The following CYFIP1 variants were observed in gnomAD, a reference collection of about 807,000 sequenced individuals.
The protein encoded by CYFIP1 is cytoplasmic FMR1 interacting protein 1, also known as cytoplasmic FMR1-interacting protein 1.
Under a neutral mutation model 163.5 loss-of-function variants are expected in CYFIP1, and 58 were observed. The observed-to-expected ratio is 0.35, with a 90% confidence interval of 0.29 to 0.44. The LOEUF (loss-of-function observed/expected upper bound fraction) is 0.44, where lower values mean the gene tolerates loss of function less well. CYFIP1 is among the 20% of genes least tolerant of loss of function. The pLI is 1.00. For synonymous variants in CYFIP1, 663 were observed against 660.7 expected, an observed-to-expected ratio of 1.00 and a Z score of -0.05; for missense variants, 1,338 against 1,653.8, an observed-to-expected ratio of 0.81 and a Z score of 3.31.
In CYFIP1 at chr15:22,917,827, T is replaced by C. The variant is rs547715186; in HGVS notation, c.1635A>G (p.Ile545Met). The change falls in exon 15 of 31, where the codon ATA becomes ATG. Residue 545 changes from isoleucine (I) to methionine (M), a missense_variant. By Grantham distance (10) the Ile-to-Met change is conservative. Coordinates refer to ENST00000617928, the MANE Select transcript of CYFIP1 (RefSeq NM_014608.6). The surrounding 1 kb of genome is among the most constrained non-coding windows in gnomAD (Gnocchi z 4.2). ...GTCCCACGGCGCGGCGTGGTACTTT[T>C]ATGTCGAAGCCGCTCTTGGGGTCCT... The part of the protein sequence containing the change: ...GEKDPKSGFD[I>M]KVPRRAVGPS... 8 of 1,613,744 alleles carry C rather than the reference T, an allele frequency of 5.0e-6. No individual in the cohort carries two copies. The highest frequency in any genetic ancestry group is 2.2e-5 in the East Asian group (1 of 44,844).
chr15:22,923,010 A>G (rs879682663), intron 13 of CYFIP1, among the ~76,000 whole-genome samples: 1 of 149,524 alleles, frequency 6.7e-6, no homozygotes, highest in South Asian at 2.2e-4. Context: ...AAAAAAAAAA[A>G]GACTTTTAGA....
intron 22 of CYFIP1, among the ~76,000 whole-genome samples, chr15:22,894,518 G>A (rs897933573): frequency 3.3e-5 from 5 of 151,388 alleles, no homozygotes; most frequent in Admixed American, 1.3e-4. Flanking sequence ...TTGAACTCCT[G>A]ACTTCAAGTG....
At chr15:22,916,969 T>A in intron 15 of CYFIP1, 1 of 1,551,614 alleles carries the variant, frequency 6.4e-7, no homozygotes, top group Non-Finnish European at 8.7e-7. Context: ...CCCAGAGACT[T>A]GAGCTGCCTG....
At chr15:22,903,683 G>A (rs760110130) in intron 22 of CYFIP1, 23 bp downstream of exon 22, 7 of 1,612,834 alleles carry the variant, frequency 4.3e-6, no homozygotes, top group Admixed American at 1.7e-5. Flanking sequence ...GCCTGTGGGC[G>A]CCTGTGTGGC....
chr15:22,968,451 A>G (rs1410028769), intron 1 of CYFIP1, among the ~76,000 whole-genome samples: 2 of 152,274 alleles, frequency 1.3e-5, no homozygotes, highest in South Asian at 2.1e-4. Context: ...CTTCAACATC[A>G]GCTTTTCCCC....
chr15:22,931,283 G>A (rs2061528348), intron 11 of CYFIP1, among the ~76,000 whole-genome samples: 1 of 152,204 alleles, frequency 6.6e-6, no homozygotes, highest in South Asian at 2.1e-4. Flanking sequence ...AGACATGCCA[G>A]CAGTGCTGGC....
At chr15:22,886,764 G>A (rs937960732) in intron 23 of CYFIP1, among the ~76,000 whole-genome samples, 1 of 152,112 alleles carries the variant, frequency 6.6e-6, no homozygotes, top group African/African-American at 2.4e-5. Context: ...TGCTGTTGTG[G>A]GGTAGAGGAA....
At chr15:22,929,453 G>A (rs1463639547) in intron 11 of CYFIP1, among the ~76,000 whole-genome samples, 1 of 151,870 alleles carries the variant, frequency 6.6e-6, no homozygotes, top group African/African-American at 2.4e-5. Flanking sequence ...CCAACATGGT[G>A]AAACCCCGTC....
At chr15:22,928,137 G>A in intron 11 of CYFIP1, 109 bp from the exon 12 acceptor site, 1 of 1,310,340 alleles carries the variant, frequency 7.6e-7, no homozygotes, top group Non-Finnish European at 1.0e-6. Flanking sequence ...GTGAAAATAA[G>A]AAATGCAGGA....
At chr15:22,938,555 T>C (rs2061788895) in intron 8 of CYFIP1, among the ~76,000 whole-genome samples, 1 of 151,854 alleles carries the variant, frequency 6.6e-6, no homozygotes, top group South Asian at 2.1e-4. Flanking sequence ...TAGTGAGCTG[T>C]GTCCGCACCA....
Position 22,928,083 on chromosome 15 carries a change from C to A in CYFIP1, c.1111-55G>T, listed in dbSNP as rs1387207991. 8 of 1,436,742 alleles carry A rather than the reference C, an allele frequency of 5.6e-6. No individual in the cohort carries two copies. In the African/African-American group the frequency reaches 1.0e-4, roughly 19 times the overall value. The allele number at this position is 1,436,742 out of a possible 1,614,324, so 89.0% of individuals were successfully genotyped here. A position where few individuals can be genotyped will look rare whatever the true frequency, so the allele number is the denominator to read the frequency against. On this transcript the variant is annotated intron_variant, in intron 11 of 30. Coordinates refer to ENST00000617928, the MANE Select transcript of CYFIP1 (RefSeq NM_014608.6). Reference sequence around the variant, plus strand: ...AACCAGCGCCCCCACCCAGCTCCCCCCATCCCGGGATCCACCATGAGAATC... The same window carrying A: ...AACCAGCGCCCCCACCCAGCTCCCCACATCCCGGGATCCACCATGAGAATC...
intron 1 of CYFIP1, among the ~76,000 whole-genome samples, chr15:22,979,715 G>A (rs1595753356): frequency 6.6e-6 from 1 of 152,132 alleles, no homozygotes; most frequent in African/African-American, 2.4e-5. Context: ...TGCTGCCTCC[G>A]TAACGATCGC....
chr15:22,908,001 T>C (rs1434698546), intron 21 of CYFIP1, among the ~76,000 whole-genome samples: 1 of 152,236 alleles, frequency 6.6e-6, no homozygotes, highest in Non-Finnish European at 1.5e-5. Flanking sequence ...ACATTTCTTA[T>C]GCTCTTTTCT....
intron 10 of CYFIP1, 42 bp downstream of exon 10, chr15:22,933,760 A>G (rs765934691): frequency 1.4e-6 from 2 of 1,451,210 alleles, no homozygotes; most frequent in Admixed American, 1.8e-5. Flanking sequence ...CAATGAGGAC[A>G]CTGCCGAAAG....
rs1478083745 is a variant in CYFIP1 at position 22,903,858 on chromosome 15, C to T, written c.2436G>A (p.Leu812=). 9 of 1,614,064 alleles carry T rather than the reference C, an allele frequency of 5.6e-6. No homozygotes were observed. The highest frequency in any genetic ancestry group is 5.3e-5 in the African/African-American group (4 of 74,930). ...LEINRMTHKL[L]SRYLTLDGFD... The stretch of plus-strand genomic sequence containing the variant: ...AGCCGTCCAGCGTCAGGTACCGGCT[C>T]AGCAGCTTGTGGGTCATGCGGTTGA... Residue 812 remains leucine, a synonymous_variant, in exon 22 of 31, where the codon CTG becomes CTA. Transcript: ENST00000617928.
At chr15:22,935,509 TG>T (rs1191504148) in intron 9 of CYFIP1, among the ~76,000 whole-genome samples, 3 of 152,172 alleles carry the variant, frequency 2.0e-5, no homozygotes, top group Non-Finnish European at 4.4e-5. Flanking sequence ...GCTGGATGGC[TG>T]CAAAGATTTA....
chr15:22,976,836 A>C (rs1306502050), intron 1 of CYFIP1, among the ~76,000 whole-genome samples: 1 of 152,210 alleles, frequency 6.6e-6, no homozygotes, highest in Non-Finnish European at 1.5e-5. Context: ...AAACAGAAAT[A>C]AGGTCAGCTT....
At chr15:22,912,428 A>G (rs954594640) in intron 17 of CYFIP1, 153 bp from the exon 18 acceptor site, 4 of 557,880 alleles carry the variant, frequency 7.2e-6, no homozygotes, top group Non-Finnish European at 1.2e-5. Context: ...CTGTGAAAGC[A>G]CGTGGTGGCT....
chr15:22,980,004 G>C (rs1212715639), intron 1 of CYFIP1, among the ~76,000 whole-genome samples: 2 of 152,060 alleles, frequency 1.3e-5, no homozygotes, highest in Non-Finnish European at 2.9e-5. Context: ...GGGGAGCTCG[G>C]GGCCGAGGCC....
Sources: allele counts gnomAD v4.1 joint callset (sites outside exome capture counted in the v4.1 genomes callset), GRCh38; gene constraint gnomAD v4.1.1; non-coding constraint Gnocchi (gnomAD v3.1); transcripts MANE v1.5; gene names NCBI Gene and HGNC (gene_info 2026-07-23, HGNC 2026-07-21).